DPP6: variants seen among roughly 807,000 people sequenced by gnomAD.
DPP6 encodes A-type potassium channel modulatory protein DPP6.
DPP6 carries 69 observed loss-of-function variants against 122.6 expected under a neutral mutation model. The observed-to-expected ratio is 0.56, with a 90% CI of 0.46 to 0.69. The LOEUF is 0.69. Among genes scored for constraint, DPP6 ranks in the 30% least tolerant of loss-of-function variants. The probability of loss-of-function intolerance (pLI) is 0.00; values close to 1 mark genes in which losing one functional copy is unlikely to be tolerated. For missense variants in DPP6, 928 were observed against 1,116.9 expected, an observed-to-expected ratio of 0.83 and a Z score of 2.41; for synonymous variants, 418 against 433.1, an observed-to-expected ratio of 0.97 and a Z score of 0.43.
chr7:154,076,309 G>T (rs1448151290), intron 1 of DPP6, among the ~76,000 whole-genome samples: 1 of 152,150 alleles, frequency 6.6e-6, no homozygotes, highest in African/African-American at 2.4e-5. Context: ...AATTAGCCAT[G>T]CACAGTGGCG....
the DPP6 span, among the ~76,000 whole-genome samples, chr7:153,839,497 G>T: frequency 6.6e-6 from 1 of 152,194 alleles, no homozygotes; most frequent in Non-Finnish European, 1.5e-5. Flanking sequence ...GCACACTTAG[G>T]CTTAGAGTCC....
chr7:153,785,668 T>C, the DPP6 span, among the ~76,000 whole-genome samples: 2 of 152,046 alleles, frequency 1.3e-5, no homozygotes, highest in African/African-American at 4.8e-5. Flanking sequence ...TCTGAGACAG[T>C]GTCTTGCTCT....
intron 1 of DPP6, among the ~76,000 whole-genome samples, chr7:154,271,704 G>T (rs1275821777): frequency 6.6e-6 from 1 of 152,190 alleles, no homozygotes; most frequent in Admixed American, 6.5e-5. Context: ...GGGGGTCACA[G>T]AGAAAGCCTG....
intron 1 of DPP6, among the ~76,000 whole-genome samples, chr7:153,992,525 C>T (rs1325893631): frequency 1.3e-5 from 2 of 152,136 alleles, no homozygotes; most frequent in Admixed American, 6.5e-5. Flanking sequence ...TTGCATCCTC[C>T]ATGATTGGAA....
At chr7:154,507,587 A>G (rs192281931) in intron 3 of DPP6, among the ~76,000 whole-genome samples, 1 of 152,310 alleles carries the variant, frequency 6.6e-6, no homozygotes, top group Admixed American at 6.5e-5. Flanking sequence ...ATAAATTAGC[A>G]GGACATTCCA....
chr7:154,402,929 G>C (rs1023251317), intron 1 of DPP6, among the ~76,000 whole-genome samples: 1 of 152,158 alleles, frequency 6.6e-6, no homozygotes, highest in Non-Finnish European at 1.5e-5. Flanking sequence ...ACTGGAAGCA[G>C]AGAAACTTTA....
intron 1 of DPP6, among the ~76,000 whole-genome samples, chr7:154,235,809 G>A (rs1801178176): frequency 6.6e-6 from 1 of 152,100 alleles, no homozygotes; most frequent in African/African-American, 2.4e-5. Context: ...TATTACCTGG[G>A]CAACTACTAA....
At position 154,130,600 on chromosome 7, in the gene DPP6, T is replaced by G. The variant is rs114045005; in HGVS notation, c.243+77537T>G. On this transcript the variant is annotated intron_variant, in intron 1 of 25. Coordinates refer to ENST00000377770, the MANE Select transcript of DPP6 (RefSeq NM_130797.4). ...ACTCATGTTTCTCATGGCACTGATC[T>G]AGGGCTCAGGGGACTTTGCACATCA... 2.5e-3 allele frequency among the ~76,000 whole-genome samples: 385 copies of G among 152,330 alleles called. 3 individuals are homozygous for G. The highest frequency in any genetic ancestry group is 8.8e-3 in the African/African-American group (367 of 41,584).
intron 5 of DPP6, among the ~76,000 whole-genome samples, chr7:154,634,011 C>CTTTTTTTTTTTTTTTTTTTTTTT (rs530757614): frequency 7.4e-6 from 1 of 134,332 alleles, no homozygotes. Flanking sequence ...TTTTTTTTTT[C>CTTTTTTTTTTTTTTTTTTTTTTT]TTTTTTTTTT....
At chr7:154,327,004 G>A (rs1305927767) in intron 1 of DPP6, among the ~76,000 whole-genome samples, 1 of 152,182 alleles carries the variant, frequency 6.6e-6, no homozygotes, top group Non-Finnish European at 1.5e-5. Flanking sequence ...CTGTCTCCGG[G>A]GAGGTCACAG....
At chr7:154,064,193 A>G (rs73729272) in intron 1 of DPP6, among the ~76,000 whole-genome samples, 1,911 of 152,150 alleles carry the variant, frequency 0.013, 42 homozygotes, top group African/African-American at 0.043. Flanking sequence ...CAGGCTGACA[A>G]TGTGCTCACC....
chr7:154,648,917 T>TA lies in DPP6; in HGVS notation c.680+11061dup, dbSNP rs59039501. Reference sequence around the variant, plus strand: ...CTGGCAACAGAGCGAGACTCCATCTTAAAAAAAAAAAAAAAAATACACTTT... The same window carrying TA: ...CTGGCAACAGAGCGAGACTCCATCTTAAAAAAAAAAAAAAAAAATACACTTT... On this transcript the variant is annotated intron_variant, in intron 6 of 25. Transcript: ENST00000377770. Among the ~76,000 whole-genome samples the TA allele has an allele frequency of 2.6e-3, 386 of 149,122 alleles. 4 individuals carry two copies. Among genetic ancestry groups the TA allele is most frequent in the African/African-American group, 8.7e-3 (353 of 40,412 alleles).
intron 3 of DPP6, among the ~76,000 whole-genome samples, chr7:154,533,882 C>A (rs1433780641): frequency 6.6e-6 from 1 of 151,902 alleles, no homozygotes; most frequent in African/African-American, 2.4e-5. Context: ...CCTGTGGTCC[C>A]AGCTACTTGG....
chr7:154,244,688 A>G (rs1208550880), intron 1 of DPP6, among the ~76,000 whole-genome samples: 1 of 152,186 alleles, frequency 6.6e-6, no homozygotes, highest in Non-Finnish European at 1.5e-5. Context: ...AACAAATTAA[A>G]AAATAATGCA....
At chr7:153,862,322 T>C in the DPP6 span, among the ~76,000 whole-genome samples, 1 of 152,224 alleles carries the variant, frequency 6.6e-6, no homozygotes, top group Non-Finnish European at 1.5e-5. Context: ...ATGGCTGTAA[T>C]CATTTGGCCA....
chr7:154,523,215 C>T (rs949530358), intron 3 of DPP6, among the ~76,000 whole-genome samples: 14 of 152,214 alleles, frequency 9.2e-5, no homozygotes, highest in South Asian at 8.3e-4. Flanking sequence ...CTTTCTAACT[C>T]GTTCTTTTCT....
intron 1 of DPP6, among the ~76,000 whole-genome samples, chr7:154,381,256 G>A (rs370869711): frequency 1.6e-4 from 24 of 152,316 alleles, no homozygotes; most frequent in African/African-American, 5.3e-4. Context: ...CAGCCTCCTG[G>A]CCCCGTCTGA....
intron 16 of DPP6, among the ~76,000 whole-genome samples, chr7:154,848,206 A>G (rs1802092970): frequency 6.9e-6 from 1 of 145,208 alleles, no homozygotes; most frequent in Admixed American, 7.0e-5. Flanking sequence ...TGGCTGAATC[A>G]TAGGGAAATT....
intron 1 of DPP6, among the ~76,000 whole-genome samples, chr7:154,310,022 A>G (rs1439847111): frequency 6.6e-6 from 1 of 152,264 alleles, no homozygotes; most frequent in African/African-American, 2.4e-5. Flanking sequence ...TCTGGGACTC[A>G]TGGACTTCCA....
Sources: gnomAD v4.1 joint callset for allele counts (sites outside exome capture counted in the v4.1 genomes callset) on GRCh38, gnomAD v4.1.1 for gene constraint, MANE v1.5 for transcripts, NCBI Gene and HGNC (gene_info 2026-07-23, HGNC 2026-07-21) for gene names.